The following TFB1M variants were observed in gnomAD, a reference collection of about 807,000 sequenced individuals.
The protein encoded by TFB1M is dimethyladenosine transferase 1, mitochondrial.
TFB1M carries 27 observed loss-of-function variants against 31.1 expected under a neutral mutation model. That is an observed-to-expected ratio of 0.87 (90% CI 0.64 to 1.20). TFB1M has a LOEUF of 1.20. Ranked by LOEUF, TFB1M falls within the 50% of genes most tolerant of loss-of-function variation. The pLI is 0.00. For missense variants in TFB1M, 394 were observed against 418.7 expected, an observed-to-expected ratio of 0.94 and a Z score of 0.51; for synonymous variants, 166 against 151.8, an observed-to-expected ratio of 1.09 and a Z score of -0.69.
intron 4 of TFB1M, among the ~76,000 whole-genome samples, chr6:155,291,751 T>A (rs1194890457): frequency 6.6e-6 from 1 of 152,104 alleles, no homozygotes; most frequent in Non-Finnish European, 1.5e-5. Flanking sequence ...CAAAAACATG[T>A]CAGACATTGC....
At chr6:155,291,912 T>C (rs1202310621) in intron 4 of TFB1M, among the ~76,000 whole-genome samples, 2 of 152,228 alleles carry the variant, frequency 1.3e-5, no homozygotes, top group Non-Finnish European at 2.9e-5. Context: ...ATTTAAAGAA[T>C]TAAGCTTATG....
rs1784017810 is a variant in TFB1M at position 155,256,283 on chromosome 6, A to AACTT, written c.*1549_*1552dup. On this transcript the variant is annotated 3_prime_UTR_variant, in exon 7 of 7. Transcript: ENST00000367166. ...GTAATCTAAAAATGCTGAATTGCCT[A>AACTT]ACTTACAACTGTAAACCTAAGTCAA... The AACTT allele has an allele frequency of 9.8e-6, 7 of 712,732 alleles. No individual in the cohort carries two copies. The highest frequency in any genetic ancestry group is 3.6e-5 in the African/African-American group (2 of 55,898). 44.2% of individuals were successfully genotyped at this position (712,732 alleles called of 1,614,324 possible). A position where few individuals can be genotyped will look rare whatever the true frequency, so the allele number is the denominator to read the frequency against.
chr6:155,257,384 A>ATT lies in TFB1M; in HGVS notation c.*450_*451dup, dbSNP rs111434371. On this transcript the variant is annotated 3_prime_UTR_variant, in exon 7 of 7. Transcript: ENST00000367166. ...TATCAAATGATTTAGGATCCTTAAA[A>ATT]TTACATTCTAATAATTAAGTTATGT... The ATT allele has an allele frequency of 0.055, 23,434 of 423,186 alleles. 993 individuals are homozygous for ATT. The highest frequency in any genetic ancestry group is 0.18 in the East Asian group (3,671 of 20,514). The allele number at this position is 423,186 out of a possible 1,614,324, so 26.2% of individuals were successfully genotyped here.
At chr6:155,243,955 T>C in the TFB1M span, 539,491 of 1,458,000 alleles carry the variant, frequency 0.37, 107,762 homozygotes, top group Middle Eastern at 0.5. Flanking sequence ...TACCCAAATC[T>C]CATGGGTATT....
chr6:155,278,502 C>T (rs1256318999), intron 5 of TFB1M, among the ~76,000 whole-genome samples: 3 of 152,228 alleles, frequency 2.0e-5, no homozygotes, highest in African/African-American at 4.8e-5. Flanking sequence ...TTCTCAGTGA[C>T]ATGTCATGGC....
the TFB1M span, among the ~76,000 whole-genome samples, chr6:155,250,325 G>A: frequency 6.7e-6 from 1 of 148,438 alleles, no homozygotes; most frequent in Non-Finnish European, 1.5e-5. Context: ...TCAAATATTG[G>A]TGGTTACCTG....
the TFB1M span, chr6:155,250,817 C>A: frequency 7.5e-7 from 1 of 1,325,254 alleles, no homozygotes; most frequent in Non-Finnish European, 1.1e-6. Context: ...GCTGTGCTTG[C>A]ATTTTAGCAA....
intron 5 of TFB1M, among the ~76,000 whole-genome samples, chr6:155,279,142 C>T (rs952034342): frequency 2.0e-5 from 3 of 151,760 alleles, no homozygotes; most frequent in South Asian, 2.1e-4. Context: ...TCTAATTTAT[C>T]GAATATACTT....
Position 155,298,587 on chromosome 6 carries a change from T to A in TFB1M, c.286-2A>T. The A allele has an allele frequency of 6.3e-7, 1 of 1,598,506 alleles. No individual in the cohort carries two copies. Among genetic ancestry groups the A allele is most frequent in the Non-Finnish European group, 8.6e-7 (1 of 1,166,126 alleles). On this transcript the variant is annotated splice_acceptor_variant, in intron 2 of 6. Transcript: ENST00000367166. LOFTEE classifies it high-confidence loss of function. ...CCCAGGTGCTGCATCAGAAAGCATC[T>A]AGTTTATAAAAAGATCAGTAAAATG... is the stretch of plus-strand genomic sequence containing the variant.
chr6:155,245,787 G>C, the TFB1M span: 1 of 1,097,990 alleles, frequency 9.1e-7, no homozygotes, highest in Non-Finnish European at 1.3e-6. Flanking sequence ...TTAACTGTTA[G>C]TAAAGGGTAA....
At chr6:155,309,637 A>G (rs1777934228) in intron 2 of TFB1M, among the ~76,000 whole-genome samples, 1 of 152,178 alleles carries the variant, frequency 6.6e-6, no homozygotes, top group Non-Finnish European at 1.5e-5. Context: ...AACCCAACGA[A>G]TGGTGAGATA....
chr6:155,286,160 G>A (rs531229344), intron 4 of TFB1M, among the ~76,000 whole-genome samples: 39 of 152,128 alleles, frequency 2.6e-4, no homozygotes, highest in Admixed American at 1.0e-3. Flanking sequence ...AGGATCATTC[G>A]GTAAGTGACA....
At chr6:155,293,632 G>T (rs914182307) in intron 4 of TFB1M, among the ~76,000 whole-genome samples, 2 of 151,884 alleles carry the variant, frequency 1.3e-5, no homozygotes, top group East Asian at 3.9e-4. Context: ...TTCCTTCTGG[G>T]GCTATGATAT....
intron 5 of TFB1M, among the ~76,000 whole-genome samples, chr6:155,272,173 G>T (rs1784949276): frequency 6.6e-6 from 1 of 152,222 alleles, no homozygotes; most frequent in Non-Finnish European, 1.5e-5. Context: ...AAGGAGTTAA[G>T]ACAGTGAAGG....
In TFB1M at chr6:155,257,269, T is replaced by TTAAG. The variant is rs1180901870; in HGVS notation, c.*563_*566dup. The TTAAG allele has an allele frequency of 4.0e-5, 35 of 882,106 alleles. No individual in the cohort carries two copies. In the Admixed American group the frequency reaches 9.8e-4, roughly 25 times the overall value. The allele number at this position is 882,106 out of a possible 1,614,324, so 54.6% of individuals were successfully genotyped here. A position where few individuals can be genotyped will look rare whatever the true frequency, so the allele number is the denominator to read the frequency against. On this transcript the variant is annotated 3_prime_UTR_variant, in exon 7 of 7. Coordinates refer to ENST00000367166, the MANE Select transcript of TFB1M (RefSeq NM_016020.4). ...TTTCCCACAAAATGGTTGTAAAGAT[T>TTAAG]TAAGTTATTTTAATTTATTGTGGAT...
downstream of TFB1M, chr6:155,256,093 A>C: frequency 3.2e-6 from 1 of 310,400 alleles, no homozygotes; most frequent in Non-Finnish European, 5.9e-6. Flanking sequence ...ATGCATAGGA[A>C]TATGGTGTGA....
At chr6:155,230,836 C>CTTT in the TFB1M span, among the ~76,000 whole-genome samples, 1 of 141,026 alleles carries the variant, frequency 7.1e-6, no homozygotes, top group East Asian at 2.1e-4. Flanking sequence ...GGCAGAGCTA[C>CTTT]TTTTTTTTTT....
intron 2 of TFB1M, among the ~76,000 whole-genome samples, chr6:155,306,677 A>T (rs1777778923): frequency 6.6e-6 from 1 of 152,238 alleles, no homozygotes; most frequent in Non-Finnish European, 1.5e-5. Context: ...AAAATAAAAA[A>T]TAATCTACAG....
chr6:155,239,641 T>C, the TFB1M span, among the ~76,000 whole-genome samples: 1 of 152,254 alleles, frequency 6.6e-6, no homozygotes, highest in Admixed American at 6.5e-5. Flanking sequence ...CAAAGGCCAG[T>C]GGTCCCCCCA....
Sources: allele counts gnomAD v4.1 joint callset (sites outside exome capture counted in the v4.1 genomes callset), GRCh38; gene constraint gnomAD v4.1.1; transcripts MANE v1.5; gene names NCBI Gene and HGNC (gene_info 2026-07-23, HGNC 2026-07-21).